Variants in RASA3 observed in about 807,000 individuals in gnomAD.
The protein encoded by RASA3 is ras GTPase-activating protein 3.
Under a neutral mutation model 110.0 loss-of-function variants are expected in RASA3, and 73 were observed. The observed-to-expected ratio is 0.66, with a 90% CI of 0.55 to 0.81. The LOEUF (loss-of-function observed/expected upper bound fraction) is 0.81. RASA3 is among the 30% of genes least tolerant of loss of function. The pLI, the probability that RASA3 is intolerant of heterozygous loss-of-function variation, is 0.00. For synonymous variants in RASA3, 500 were observed against 451.4 expected (o/e 1.11, Z -1.37); for missense variants, 976 against 1,113.2 (o/e 0.88, Z 1.75).
At chr13:114,032,335 C>T (rs1485698498) in intron 4 of RASA3, among the ~76,000 whole-genome samples, 1 of 152,138 alleles carries the variant, frequency 6.6e-6, no homozygotes, top group Non-Finnish European at 1.5e-5. Flanking sequence ...AGCTTCTCCT[C>T]CTTAACCAAT....
chr13:114,110,296 G>T (rs1469642198), intron 1 of RASA3, among the ~76,000 whole-genome samples: 1 of 152,206 alleles, frequency 6.6e-6, no homozygotes, highest in African/African-American at 2.4e-5. Context: ...GACAGACCCG[G>T]GCCCCTGACC....
intron 4 of RASA3, among the ~76,000 whole-genome samples, chr13:114,038,187 T>C (rs1346255248): frequency 6.6e-6 from 1 of 152,104 alleles, no homozygotes; most frequent in African/African-American, 2.4e-5. Context: ...CAGAGGCCGT[T>C]GTGACGGAGA....
intron 1 of RASA3, among the ~76,000 whole-genome samples, chr13:114,082,722 G>C (rs990504378): frequency 6.6e-5 from 10 of 152,224 alleles, no homozygotes; most frequent in African/African-American, 9.7e-5. Flanking sequence ...GTACGCAAGA[G>C]GGGAAGGGAC....
intron 4 of RASA3, among the ~76,000 whole-genome samples, chr13:114,031,748 G>A (rs1482535581): frequency 6.6e-6 from 1 of 152,218 alleles, no homozygotes; most frequent in Non-Finnish European, 1.5e-5. Context: ...ATGCTTCAGG[G>A]GCTCTGCCTG....
At chr13:114,041,167 G>T in intron 3 of RASA3, 73 bp from the exon 4 acceptor site, 1 of 1,264,648 alleles carries the variant, frequency 7.9e-7, no homozygotes, top group Non-Finnish European at 1.2e-6. Context: ...GCAGAAGCCA[G>T]CCCATCATCA....
At chr13:114,033,908 C>T (rs1484725160) in intron 4 of RASA3, among the ~76,000 whole-genome samples, 4 of 152,220 alleles carry the variant, frequency 2.6e-5, no homozygotes, top group Admixed American at 6.5e-5. Context: ...GCACTGTGGG[C>T]GGGGAAAACA....
At position 114,056,567 on chromosome 13, in the gene RASA3, ACT is replaced by A. The variant is rs2079249525; in HGVS notation, c.174-4414_174-4413del. 1.0e-6 allele frequency: 1 copy of A among 979,046 alleles called. No homozygotes were observed. Among genetic ancestry groups the A allele is most frequent in the African/African-American group, 1.8e-5 (1 of 54,692 alleles). The allele number at this position is 979,046 out of a possible 1,614,324, so 60.6% of individuals were successfully genotyped here. Reference sequence around the variant, plus strand: ...TGCACAAGTGGCTCCTCTCTCTGTAACTCTGCTTGGCAGTGGGGGGCTCGGTG... The same window carrying A: ...TGCACAAGTGGCTCCTCTCTCTGTAACTGCTTGGCAGTGGGGGGCTCGGTG... On this transcript the variant is annotated intron_variant, in intron 2 of 23. Coordinates refer to ENST00000334062, the MANE Select transcript of RASA3 (RefSeq NM_007368.4). This position sits in a 1 kb window ranked among gnomAD's most constrained non-coding sequence, Gnocchi z 5.7.
chr13:114,055,738 G>A (rs1054705649), intron 2 of RASA3, among the ~76,000 whole-genome samples: 2 of 152,146 alleles, frequency 1.3e-5, no homozygotes, highest in South Asian at 2.1e-4. Context: ...TTCCAGCCCC[G>A]TTCGCTCCCG....
At chr13:114,047,175 A>G (rs2079066654) in intron 3 of RASA3, among the ~76,000 whole-genome samples, 1 of 152,272 alleles carries the variant, frequency 6.6e-6, no homozygotes, top group South Asian at 2.1e-4. Context: ...CACTTGTGAT[A>G]GACTCGTATC....
intron 4 of RASA3, chr13:114,035,773 G>C (rs1234408661): frequency 6.6e-6 from 1 of 152,292 alleles, no homozygotes; most frequent in Non-Finnish European, 1.5e-5. Context: ...CATGAGGAAG[G>C]AAGCCCAGCC....
At chr13:114,088,700 G>A (rs759978996) in intron 1 of RASA3, among the ~76,000 whole-genome samples, 1 of 152,038 alleles carries the variant, frequency 6.6e-6, no homozygotes, top group African/African-American at 2.4e-5. Context: ...ACAAGCGTGC[G>A]CCACCATGCC....
At chr13:114,058,009 G>T (rs922812713) in intron 2 of RASA3, among the ~76,000 whole-genome samples, 2 of 152,246 alleles carry the variant, frequency 1.3e-5, no homozygotes, top group South Asian at 4.1e-4. Context: ...TGAGTTCCCA[G>T]GTCACTTCCC....
At chr13:114,082,520 GAC>G (rs745893486) in intron 1 of RASA3, among the ~76,000 whole-genome samples, 5 of 152,224 alleles carry the variant, frequency 3.3e-5, no homozygotes, top group Non-Finnish European at 5.9e-5. Context: ...TCCCCGGGTG[GAC>G]ACACGCGCTT....
chr13:114,097,530 G>A (rs1594450021), intron 1 of RASA3, among the ~76,000 whole-genome samples: 4 of 152,384 alleles, frequency 2.6e-5, no homozygotes, highest in Middle Eastern at 3.4e-3. Context: ...GCATGATGCA[G>A]CCTGAAAACC....
At chr13:114,016,504 CCT>C (rs959127711) in intron 12 of RASA3, among the ~76,000 whole-genome samples, 13 of 152,162 alleles carry the variant, frequency 8.5e-5, no homozygotes, top group Admixed American at 5.9e-4. Flanking sequence ...CAACCCTGGG[CCT>C]GTGTCACTGG....
At chr13:114,033,568 A>AC (rs113859214) in intron 4 of RASA3, among the ~76,000 whole-genome samples, 5,044 of 15,092 alleles carry the variant, frequency 0.33, 2,249 homozygotes, top group Middle Eastern at 0.75. Context: ...GTTCCACGGC[A>AC]CCCCACACTT....
chr13:114,002,004 G>A (rs916687072), intron 18 of RASA3, among the ~76,000 whole-genome samples: 1 of 152,276 alleles, frequency 6.6e-6, no homozygotes, highest in African/African-American at 2.4e-5. Context: ...GCCCTGGGCA[G>A]GGTCCTCGAA....
At chr13:114,108,339 C>T (rs2080167244) in intron 1 of RASA3, among the ~76,000 whole-genome samples, 1 of 147,702 alleles carries the variant, frequency 6.8e-6, no homozygotes, top group African/African-American at 2.5e-5. Flanking sequence ...TGTCACCCCA[C>T]ATCCGTCATC....
intron 1 of RASA3, among the ~76,000 whole-genome samples, chr13:114,081,739 C>T (rs1203726358): frequency 6.6e-6 from 1 of 152,148 alleles, no homozygotes. Context: ...CGGCTGAAAA[C>T]ACCCAGGGAA....
Sources: gnomAD v4.1 joint callset for allele counts (sites outside exome capture counted in the v4.1 genomes callset) on GRCh38, gnomAD v4.1.1 for gene constraint, Gnocchi (gnomAD v3.1) non-coding constraint, MANE v1.5 for transcripts, NCBI Gene and HGNC (gene_info 2026-07-23, HGNC 2026-07-21) for gene names.